The following CENPT variants were observed in gnomAD, a reference collection of about 807,000 sequenced individuals.
CENPT encodes interphase centromere complex protein 22.
In CENPT, 42 loss-of-function variants were observed where a neutral mutation model predicts 59.7. The observed-to-expected ratio is 0.70, with a 90% CI of 0.55 to 0.91. CENPT has a LOEUF of 0.91. Among genes scored for constraint, CENPT ranks in the 40% least tolerant of loss-of-function variants. The pLI is 0.00. For synonymous variants in CENPT, 295 were observed against 289.6 expected (o/e 1.02, Z -0.19); for missense variants, 716 against 713.4 (o/e 1.00, Z -0.04).
Position 67,834,081 on chromosome 16 carries a change from C to A in CENPT, c.-222G>T. 4.4e-6 allele frequency: 2 copies of A among 452,586 alleles called. No individual in the cohort carries two copies. Among genetic ancestry groups the A allele is most frequent in the South Asian group, 3.9e-5 (1 of 25,626 alleles). 28.0% of individuals were successfully genotyped at this position (452,586 alleles called of 1,614,324 possible). On this transcript the variant is annotated 5_prime_UTR_variant, in exon 4 of 16. Transcript: ENST00000562787. ...CCTCGGTTAATGTAATGCAAGCAGC[C>A]CAAGTCTTGGCTTCTTCATCTGTAA...
intron 4 of CENPT, among the ~76,000 whole-genome samples, 194 bp downstream of exon 4, chr16:67,833,556 A>G (rs1567370503): frequency 6.6e-6 from 1 of 152,126 alleles, no homozygotes; most frequent in African/African-American, 2.4e-5. Context: ...ACCAGTTCTC[A>G]GAGTCCCAGG....
chr16:67,842,659 C>G lies in CENPT; in HGVS notation c.-492+4742G>C. The G allele has an allele frequency of 6.4e-7, 1 of 1,565,376 alleles. No individual in the cohort carries two copies. Among genetic ancestry groups the G allele is most frequent in the Non-Finnish European group, 8.7e-7 (1 of 1,154,384 alleles). On this transcript the variant is annotated intron_variant, in intron 1 of 15. Transcript: ENST00000562787. This position sits in a 1 kb window ranked among gnomAD's most constrained non-coding sequence, Gnocchi z 4.9. ...CAAAGGACGCTGAGTTGCGGCGCCT[C>G]TGGCTCAAGAACGTGTCGCGTGCCG...
At position 67,842,546 on chromosome 16, in the gene CENPT, G is replaced by C. The variant is rs1443548447; in HGVS notation, c.-492+4855C>G. ...GCCGGTGGGCCGGGCCGGGCCGCGCGGCGCAGCCATGCCTGGCTTTACGTG... is the reference window on the plus strand; with the variant it reads ...GCCGGTGGGCCGGGCCGGGCCGCGCCGCGCAGCCATGCCTGGCTTTACGTG... On this transcript the variant is annotated intron_variant, in intron 1 of 15. Transcript: ENST00000562787. This position sits in a 1 kb window ranked among gnomAD's most constrained non-coding sequence, Gnocchi z 4.9. The C allele has an allele frequency of 2.0e-6, 3 of 1,503,176 alleles. No individual in the cohort carries two copies. In the South Asian group the frequency reaches 3.8e-5, roughly 19 times the overall value. 93.1% of individuals were successfully genotyped at this position (1,503,176 alleles called of 1,614,324 possible).
At chr16:67,831,426 A>G in intron 9 of CENPT, 68 bp from the exon 10 acceptor site, 1 of 1,584,112 alleles carries the variant, frequency 6.3e-7, no homozygotes, top group Non-Finnish European at 8.6e-7. Context: ...AGATCCCTCC[A>G]TCTGCCCTGG....
At chr16:67,837,998 G>A (rs2057742610) in intron 1 of CENPT, among the ~76,000 whole-genome samples, 1 of 152,182 alleles carries the variant, frequency 6.6e-6, no homozygotes, top group South Asian at 2.1e-4. Flanking sequence ...TTGCAGGAGA[G>A]GCAAGATTGA....
At chr16:67,828,635 T>C in intron 14 of CENPT, 32 bp downstream of exon 14, 1 of 1,613,738 alleles carries the variant, frequency 6.2e-7, no homozygotes, top group South Asian at 1.1e-5. Context: ...CCCGAGGGGT[T>C]CCTCTCCCTA....
intron 14 of CENPT, 22 bp downstream of exon 14, chr16:67,828,645 A>G (rs1002833089): frequency 6.2e-7 from 1 of 1,614,040 alleles, no homozygotes; most frequent in Non-Finnish European, 8.5e-7. Context: ...TCCTCTCCCT[A>G]CCCCATGTGC....
chr16:67,828,980 G>A lies in CENPT; in HGVS notation c.1281-137C>T, dbSNP rs1482975688. Reference sequence around the variant, plus strand: ...CCAGGACCAGCAGCCCTGACCACCTGCTGAGGGGCAGTTGGGTCAGGGGGC... The same window carrying A: ...CCAGGACCAGCAGCCCTGACCACCTACTGAGGGGCAGTTGGGTCAGGGGGC... On this transcript the variant is annotated intron_variant, in intron 13 of 15. Transcript: ENST00000562787. 14 of 820,386 alleles carry A rather than the reference G, an allele frequency of 1.7e-5. No individual in the cohort carries two copies. In the South Asian group the frequency reaches 2.6e-4, roughly 15 times the overall value. 50.8% of individuals were successfully genotyped at this position (820,386 alleles called of 1,614,324 possible).
intron 1 of CENPT, among the ~76,000 whole-genome samples, chr16:67,836,867 G>A (rs2057737350): frequency 6.6e-6 from 1 of 151,824 alleles, no homozygotes; most frequent in Admixed American, 6.6e-5. Flanking sequence ...TCAGCCTCCC[G>A]AGTAGCTGGG....
intron 4 of CENPT, among the ~76,000 whole-genome samples, chr16:67,833,029 C>T (rs1391102340): frequency 6.6e-6 from 1 of 152,182 alleles, no homozygotes; most frequent in African/African-American, 2.4e-5. Flanking sequence ...CAGCTCCTAC[C>T]TCATGGGTGT....
Position 67,843,525 on chromosome 16 carries a change from C to A in CENPT, c.-492+3876G>T. ...ACTGGTGCCCCGGCAGCCTGCTGGA[C>A]TCCCAGACCCCATCCAGCCAGGGGA... On this transcript the variant is annotated intron_variant, in intron 1 of 15. Transcript: ENST00000562787. This position sits in a 1 kb window ranked among gnomAD's most constrained non-coding sequence, Gnocchi z 5.7. The A allele has an allele frequency of 6.3e-7, 1 of 1,584,710 alleles. No homozygotes were observed. The highest frequency in any genetic ancestry group is 8.6e-7 in the Non-Finnish European group (1 of 1,164,862).
In CENPT at chr16:67,828,235, G is replaced by A. The variant is rs1598134061; in HGVS notation, c.*32C>T. ...AATATGTGGGGGCAAGAGTCCCCAG[G>A]TGGGGACAGGGAAAGTGTTGAAGCC... On this transcript the variant is annotated 3_prime_UTR_variant, in exon 16 of 16. Transcript: ENST00000562787. 3 of 1,550,868 alleles carry A rather than the reference G, an allele frequency of 1.9e-6. No individual in the cohort carries two copies. Among genetic ancestry groups the A allele is most frequent in the Non-Finnish European group, 2.6e-6 (3 of 1,147,328 alleles).
chr16:67,838,445 A>G (rs937812039), intron 1 of CENPT, among the ~76,000 whole-genome samples: 2 of 151,144 alleles, frequency 1.3e-5, no homozygotes, highest in Non-Finnish European at 2.9e-5. Context: ...AACGTGGTGA[A>G]ACCTCATCTT....
In CENPT at chr16:67,833,739, C is replaced by A; in HGVS notation, c.110+11G>T. 1.3e-6 allele frequency: 2 copies of A among 1,491,272 alleles called. No homozygotes were observed. The highest frequency in any genetic ancestry group is 1.8e-6 in the Non-Finnish European group (2 of 1,115,606). 92.4% of individuals were successfully genotyped at this position (1,491,272 alleles called of 1,614,324 possible). On this transcript the variant is annotated intron_variant, in intron 4 of 15. Transcript: ENST00000562787. ...TAGTTGCTCAAGTACTCGGGGAGCC[C>A]CCTCACATACCCAGCCCGAGCACTC...
rs758786277 is a variant in CENPT, at chr16:67,843,487, G to A, written c.-492+3914C>T. ...TTGCCATGGCTGTCATCCGCAAGAA[G>A]CACGGAATGTGAACTGGTGCCCCGG... On this transcript the variant is annotated intron_variant, in intron 1 of 15. Transcript: ENST00000562787. This position sits in a 1 kb window ranked among gnomAD's most constrained non-coding sequence, Gnocchi z 5.7. 6.2e-7 allele frequency: 1 copy of A among 1,609,758 alleles called. No individual in the cohort carries two copies. The highest frequency in any genetic ancestry group is 8.5e-7 in the Non-Finnish European group (1 of 1,177,722).
chr16:67,833,290 C>A (rs1405807127), intron 4 of CENPT, among the ~76,000 whole-genome samples: 1 of 152,240 alleles, frequency 6.6e-6, no homozygotes, highest in African/African-American at 2.4e-5. Context: ...GACAGTAAGA[C>A]AATGAGCAGG....
At chr16:67,845,480 C>T (rs2151290626) in intron 1 of CENPT, among the ~76,000 whole-genome samples, 1 of 152,308 alleles carries the variant, frequency 6.6e-6, no homozygotes, top group Non-Finnish European at 1.5e-5. Context: ...GGCTGGTAAT[C>T]AGGTGGTGGA....
At chr16:67,835,737 A>G (rs548922633) in intron 1 of CENPT, 79 bp from the exon 2 acceptor site, 2 of 152,190 alleles carry the variant, frequency 1.3e-5, no homozygotes, top group East Asian at 3.9e-4. Context: ...AGCTATCGAT[A>G]TTCCTTGTCA....
chr16:67,829,174 G>T, intron 13 of CENPT: 1 of 510,608 alleles, frequency 2.0e-6, no homozygotes, highest in Non-Finnish European at 3.4e-6. Context: ...TCTGCTAATC[G>T]TCTTCCAGGA....
Sources: gnomAD v4.1 joint callset for allele counts (sites outside exome capture counted in the v4.1 genomes callset) on GRCh38, gnomAD v4.1.1 for gene constraint, Gnocchi (gnomAD v3.1) non-coding constraint, MANE v1.5 for transcripts, NCBI Gene and HGNC (gene_info 2026-07-23, HGNC 2026-07-21) for gene names.